The following LAMB4 variants were observed in gnomAD, a reference collection of about 807,000 sequenced individuals.
The protein encoded by LAMB4 is laminin subunit beta-4.
LAMB4 carries 196 observed loss-of-function variants against 199.2 expected under a neutral mutation model. That is an observed-to-expected ratio of 0.98 (90% CI 0.88 to 1.11). The LOEUF is 1.11. Among genes scored for constraint, LAMB4 ranks in the 50% least tolerant of loss-of-function variants. The pLI is 0.00. For missense variants in LAMB4, 2,080 were observed against 2,171.2 expected (o/e 0.96, Z 0.83); for synonymous variants, 744 against 770.6 (o/e 0.97, Z 0.57).
intron 14 of LAMB4, among the ~76,000 whole-genome samples, chr7:108,085,530 T>C (rs1162278720): frequency 6.6e-6 from 1 of 152,222 alleles, no homozygotes; most frequent in African/African-American, 2.4e-5. Context: ...TATAAAGCTT[T>C]ATATGTTAGT....
chr7:108,092,469 G>T, intron 12 of LAMB4, 53 bp from the exon 13 acceptor site: 2 of 1,306,266 alleles, frequency 1.5e-6, no homozygotes, highest in Non-Finnish European at 2.2e-6. Context: ...CTGTTGCTCT[G>T]AAGTGCAACA....
rs375573172 is a variant in LAMB4, at chr7:108,124,012, GT to G, written c.-33-816del. 7.1e-3 allele frequency among the ~76,000 whole-genome samples: 1,044 copies of G among 146,338 alleles called. 12 individuals are homozygous for G. Among genetic ancestry groups the G allele is most frequent in the African/African-American group, 0.024 (960 of 40,150 alleles). On this transcript the variant is annotated intron_variant, in intron 1 of 33. Transcript: ENST00000388781. ...AGAAAAGAAGGTAAAATTTGTAATG[GT>G]TTTTTTTTTTCCTTTTTTTAAGACA...
rs1039834126 is a variant in LAMB4 at position 108,062,981 on chromosome 7, A to T, written c.3075T>A (p.His1025Gln). The change falls in exon 23 of 34, where the codon CAT becomes CAA. Residue 1025 changes from histidine (H) to glutamine (Q), a missense_variant. Coordinates refer to ENST00000388781, the MANE Select transcript of LAMB4 (RefSeq NM_007356.3). The part of the protein sequence containing the change: ...LNQTCRRCSC[H>Q]ASGVSPMECP... ...ACTCCATGGGACTCACGCCGGAAGCATGGCAGGAGCATCCTGTGATGACAA... is the reference window on the plus strand; with the variant it reads ...ACTCCATGGGACTCACGCCGGAAGCTTGGCAGGAGCATCCTGTGATGACAA... 7 of 1,572,382 alleles carry T rather than the reference A, an allele frequency of 4.5e-6. No individual in the cohort carries two copies. The highest frequency in any genetic ancestry group is 5.2e-6 in the Non-Finnish European group (6 of 1,163,006).
intron 28 of LAMB4, chr7:108,044,187 G>A (rs938944342): frequency 8.2e-6 from 2 of 244,192 alleles, no homozygotes; most frequent in Admixed American, 5.8e-5. Flanking sequence ...GTTTTAATGG[G>A]GCTTTAGCAT....
chr7:108,065,110 G>A (rs1480371644), intron 21 of LAMB4, among the ~76,000 whole-genome samples: 1 of 151,988 alleles, frequency 6.6e-6, no homozygotes, highest in Non-Finnish European at 1.5e-5. Context: ...GTCTTGCTTT[G>A]CGGCCCAGGC....
intron 8 of LAMB4, 87 bp downstream of exon 8, chr7:108,105,729 TC>T (rs2037979736): frequency 8.8e-7 from 1 of 1,139,128 alleles, no homozygotes; most frequent in South Asian, 1.3e-5. Context: ...TTTGTTGATC[TC>T]CATGTGGAGT....
chr7:108,028,926 C>T (rs1441945561), intron 33 of LAMB4, 117 bp downstream of exon 33: 2 of 939,932 alleles, frequency 2.1e-6, no homozygotes, highest in Non-Finnish European at 3.2e-6. Flanking sequence ...CTACTTCTCT[C>T]TCCTCAGTGG....
At chr7:108,015,367 AAT>A in the LAMB4 span, among the ~76,000 whole-genome samples, 1 of 152,206 alleles carries the variant, frequency 6.6e-6, no homozygotes, top group African/African-American at 2.4e-5. Flanking sequence ...TTGGTTGTTA[AAT>A]ATTCAGGCTC....
At chr7:108,053,996 G>A (rs1360974048) in intron 25 of LAMB4, among the ~76,000 whole-genome samples, 1 of 152,184 alleles carries the variant, frequency 6.6e-6, no homozygotes, top group African/African-American at 2.4e-5. Flanking sequence ...TAACATAGGG[G>A]TCTAGATCTT....
chr7:108,128,602 A>G (rs1438871062), intron 1 of LAMB4, among the ~76,000 whole-genome samples: 2 of 152,166 alleles, frequency 1.3e-5, no homozygotes, highest in Admixed American at 6.5e-5. Flanking sequence ...TCCAAACTAG[A>G]TAAGTATTAT....
At chr7:108,054,742 C>A (rs1316582314) in intron 25 of LAMB4, among the ~76,000 whole-genome samples, 1 of 152,142 alleles carries the variant, frequency 6.6e-6, no homozygotes, top group Non-Finnish European at 1.5e-5. Context: ...ATGGGTGTGG[C>A]TGTGCTCCAA....
intron 29 of LAMB4, among the ~76,000 whole-genome samples, chr7:108,041,443 C>T (rs2035418968): frequency 6.6e-6 from 1 of 152,224 alleles, no homozygotes; most frequent in African/African-American, 2.4e-5. Context: ...GACACACTCA[C>T]ATGCATGTTC....
chr7:108,062,827 A>T lies in LAMB4; in HGVS notation c.3229T>A (p.Cys1077Ser), dbSNP rs941721770. 7 of 1,549,980 alleles carry T rather than the reference A, an allele frequency of 4.5e-6. No individual in the cohort carries two copies. The highest frequency in any genetic ancestry group is 6.1e-6 in the Non-Finnish European group (7 of 1,149,642). The change falls in exon 23 of 34, where the codon TGT becomes AGT. Residue 1077 changes from cysteine to serine, a missense_variant. Coordinates refer to ENST00000388781, the MANE Select transcript of LAMB4 (RefSeq NM_007356.3). ...GYWNLVPGRG[C>S]QSCDCDPRTS... The stretch of plus-strand genomic sequence containing the variant: ...CTAGGGTCACAGTCACATGACTGAC[A>T]TCCTCTGCCAGGGACCAGATTCCAG...
intron 21 of LAMB4, among the ~76,000 whole-genome samples, chr7:108,065,111 C>A (rs559649831): frequency 1.3e-5 from 2 of 152,132 alleles, no homozygotes; most frequent in South Asian, 2.1e-4. Flanking sequence ...TCTTGCTTTG[C>A]GGCCCAGGCT....
downstream of LAMB4, among the ~76,000 whole-genome samples, chr7:108,022,069 T>C (rs1353516207): frequency 2.0e-4 from 31 of 152,170 alleles, no homozygotes; most frequent in Admixed American, 1.9e-3. Flanking sequence ...GAGGACAGCA[T>C]TGGCCTCCTA....
Position 108,084,203 on chromosome 7 carries a change from C to T in LAMB4, c.1702-4417G>A, listed in dbSNP as rs545091504. Among the ~76,000 whole-genome samples the T allele has an allele frequency of 1.6e-4, 25 of 152,252 alleles. No individual in the cohort carries two copies. In the South Asian group the frequency reaches 5.2e-3, roughly 32 times the overall value. ...GGGAGGGAGATGGTACCAATTATAGCCTTGGTACCAACTGCAGCAGCCAGA... is the reference window on the plus strand; with the variant it reads ...GGGAGGGAGATGGTACCAATTATAGTCTTGGTACCAACTGCAGCAGCCAGA... On this transcript the variant is annotated intron_variant, in intron 14 of 33. Transcript: ENST00000388781.
chr7:108,083,014 C>T (rs535895775), intron 14 of LAMB4, among the ~76,000 whole-genome samples: 1 of 152,288 alleles, frequency 6.6e-6, no homozygotes, highest in Non-Finnish European at 1.5e-5. Flanking sequence ...TTAATACAGC[C>T]TCTGGAACAT....
chr7:108,040,021 C>T (rs1021112760), intron 29 of LAMB4, among the ~76,000 whole-genome samples: 1 of 152,118 alleles, frequency 6.6e-6, no homozygotes, highest in Non-Finnish European at 1.5e-5. Flanking sequence ...AACCCCGTAG[C>T]CTTGGCCCAA....
intron 14 of LAMB4, among the ~76,000 whole-genome samples, chr7:108,087,059 A>G (rs2150598001): frequency 6.6e-6 from 1 of 152,234 alleles, no homozygotes; most frequent in South Asian, 2.1e-4. Context: ...ATAGGAAGAG[A>G]AACAAGTAGG....
Sources: allele counts gnomAD v4.1 joint callset (sites outside exome capture counted in the v4.1 genomes callset), GRCh38; gene constraint gnomAD v4.1.1; transcripts MANE v1.5; gene names NCBI Gene and HGNC (gene_info 2026-07-23, HGNC 2026-07-21).